EYS: variants seen among roughly 807,000 people sequenced by gnomAD.
EYS encodes EGF-like photoreceptor maintenance factor.
Under a neutral mutation model 282.1 loss-of-function variants are expected in EYS, and 250 were observed. The ratio of observed to expected loss-of-function variants is 0.89; its 90% CI spans 0.80 to 0.98. The LOEUF (loss-of-function observed/expected upper bound fraction) is 0.98. EYS is among the 50% of genes least tolerant of loss of function. EYS has a pLI of 0.00. For missense variants in EYS, 4,016 were observed against 3,709.0 expected (o/e 1.08, Z -2.15); for synonymous variants, 1,355 against 1,282.9 (o/e 1.06, Z -1.20).
Position 65,207,895 on chromosome 6 carries a change from T to C in EYS, c.2023+87968A>G, listed in dbSNP as rs149051524. On this transcript the variant is annotated intron_variant, in intron 12 of 42. Coordinates refer to ENST00000503581, the MANE Select transcript of EYS (RefSeq NM_001142800.2). ...ACTCAAGATGTATTAAAGATCTGAA[T>C]GTAAGGCCTGAAACTATAGAAGTCC... 1.6e-4 allele frequency among the ~76,000 whole-genome samples: 25 copies of C among 151,914 alleles called. 1 individual carries two copies. The highest frequency in any genetic ancestry group is 6.0e-4 in the African/African-American group (25 of 41,536).
intron 2 of EYS, among the ~76,000 whole-genome samples, chr6:65,559,455 A>T (rs1486621783): frequency 6.6e-6 from 1 of 152,092 alleles, no homozygotes; most frequent in African/African-American, 2.4e-5. Context: ...GCATGTAACT[A>T]CTGGTTGTTT....
chr6:65,255,148 C>T (rs1008081097), intron 12 of EYS, among the ~76,000 whole-genome samples: 2 of 151,742 alleles, frequency 1.3e-5, no homozygotes, highest in Admixed American at 1.3e-4. Flanking sequence ...GCTATTGTAA[C>T]CAAAATAGCA....
intron 26 of EYS, among the ~76,000 whole-genome samples, chr6:64,558,449 C>A (rs1562061051): frequency 6.6e-6 from 1 of 152,044 alleles, no homozygotes; most frequent in African/African-American, 2.4e-5. Flanking sequence ...ACCAAGAACT[C>A]TTCACCCCAA....
intron 33 of EYS, among the ~76,000 whole-genome samples, chr6:64,017,023 CT>C (rs1768926520): frequency 6.6e-6 from 1 of 151,814 alleles, no homozygotes; most frequent in Non-Finnish European, 1.5e-5. Flanking sequence ...TGTCCTTGGT[CT>C]TTTTTCCTCT....
chr6:64,895,738 TA>T (rs555722363), intron 18 of EYS, among the ~76,000 whole-genome samples: 261 of 152,214 alleles, frequency 1.7e-3, no homozygotes, highest in Non-Finnish European at 3.4e-3. Flanking sequence ...CTTATTTATA[TA>T]AAAAAATAAG....
At chr6:65,188,764 CAAA>C (rs777137794) in intron 12 of EYS, among the ~76,000 whole-genome samples, 34 of 78,742 alleles carry the variant, frequency 4.3e-4, no homozygotes, top group Admixed American at 2.9e-4. Context: ...TTATTGCATG[CAAA>C]AAAAAAAAAA....
chr6:64,759,226 C>A (rs1182523986), intron 22 of EYS, among the ~76,000 whole-genome samples: 6 of 152,076 alleles, frequency 3.9e-5, no homozygotes, highest in Non-Finnish European at 8.8e-5. Context: ...GGATTTGGGG[C>A]TAGGTGATAC....
intron 31 of EYS, among the ~76,000 whole-genome samples, chr6:64,103,452 T>C (rs529665860): frequency 3.9e-5 from 6 of 152,178 alleles, no homozygotes; most frequent in African/African-American, 9.7e-5. Context: ...AGGCAGCATA[T>C]AATTAGCTAC....
intron 22 of EYS, among the ~76,000 whole-genome samples, chr6:64,655,805 T>C (rs1028038370): frequency 2.6e-5 from 4 of 152,130 alleles, no homozygotes; most frequent in African/African-American, 7.2e-5. Flanking sequence ...AAATATCATA[T>C]GGTCCATAAT....
At chr6:64,221,391 T>A (rs1393382219) in intron 31 of EYS, among the ~76,000 whole-genome samples, 2 of 152,102 alleles carry the variant, frequency 1.3e-5, no homozygotes, top group Non-Finnish European at 2.9e-5. Context: ...TTCTCTTTCA[T>A]TGTTTTTCTG....
chr6:65,152,510 T>C lies in EYS; in HGVS notation c.2024-94783A>G, dbSNP rs565816953. Among the ~76,000 whole-genome samples, 17 of 151,858 alleles carry C rather than the reference T, an allele frequency of 1.1e-4. 1 individual carries two copies. The South Asian group carries it at 3.1e-3, about 28-fold the overall frequency. Reference sequence around the variant, plus strand: ...GCACATGCACAGAAGGGCAATCAGGTAAAGAGCCAGAAAGAGGGTGACCAT... The same window carrying C: ...GCACATGCACAGAAGGGCAATCAGGCAAAGAGCCAGAAAGAGGGTGACCAT... On this transcript the variant is annotated intron_variant, in intron 12 of 42. Coordinates refer to ENST00000503581, the MANE Select transcript of EYS (RefSeq NM_001142800.2).
At chr6:65,682,685 T>G (rs2149839138) in intron 1 of EYS, among the ~76,000 whole-genome samples, 1 of 151,966 alleles carries the variant, frequency 6.6e-6, no homozygotes, top group African/African-American at 2.4e-5. Context: ...ATATAGCAGC[T>G]AAATAATTTT....
At chr6:64,211,312 T>G (rs1269691065) in intron 31 of EYS, among the ~76,000 whole-genome samples, 3 of 152,158 alleles carry the variant, frequency 2.0e-5, no homozygotes, top group Non-Finnish European at 4.4e-5. Context: ...AATGGAGACT[T>G]TAGGTAATCT....
chr6:65,021,961 G>C (rs1024504556), intron 13 of EYS, among the ~76,000 whole-genome samples: 8 of 152,116 alleles, frequency 5.3e-5, no homozygotes, highest in African/African-American at 1.7e-4. Context: ...GCAGCATGGG[G>C]TAATAATCCC....
At chr6:64,925,716 G>T (rs913838082) in intron 15 of EYS, among the ~76,000 whole-genome samples, 3 of 152,104 alleles carry the variant, frequency 2.0e-5, no homozygotes, top group Non-Finnish European at 2.9e-5. Context: ...ACACCCAAAG[G>T]TGTAATCTAA....
chr6:64,686,763 G>GTATATATATATATATATATATA (rs1231123723), intron 22 of EYS, among the ~76,000 whole-genome samples: 2 of 8,580 alleles, frequency 2.3e-4, no homozygotes, highest in Non-Finnish European at 1.4e-3. Context: ...ATATATATAT[G>GTATATATATATATATATATATA]TGTGTATATA....
At chr6:64,824,185 T>G (rs1764981492) in intron 19 of EYS, among the ~76,000 whole-genome samples, 1 of 151,952 alleles carries the variant, frequency 6.6e-6, no homozygotes, top group African/African-American at 2.4e-5. Flanking sequence ...CCTTTCATGC[T>G]GGGCTTGGTC....
chr6:65,595,316 T>C (rs1765369254), intron 2 of EYS, among the ~76,000 whole-genome samples: 2 of 151,930 alleles, frequency 1.3e-5, no homozygotes, highest in African/African-American at 4.8e-5. Flanking sequence ...CTGGGTCCTG[T>C]TGTGTGGTAG....
intron 12 of EYS, among the ~76,000 whole-genome samples, chr6:65,163,982 A>G (rs1015353946): frequency 6.6e-6 from 1 of 151,166 alleles, no homozygotes; most frequent in African/African-American, 2.4e-5. Flanking sequence ...TGAGACTAAA[A>G]CAAGTGTTTT....
Sources: allele counts gnomAD v4.1 joint callset (sites outside exome capture counted in the v4.1 genomes callset), GRCh38; gene constraint gnomAD v4.1.1; transcripts MANE v1.5; gene names NCBI Gene and HGNC (gene_info 2026-07-23, HGNC 2026-07-21).